The following DCC variants were observed in gnomAD, a reference collection of about 807,000 sequenced individuals.
DCC encodes the protein netrin receptor DCC.
Under a neutral mutation model 172.5 loss-of-function variants are expected in DCC, and 58 were observed. That is an observed-to-expected ratio of 0.34 (90% CI 0.27 to 0.42). The LOEUF (loss-of-function observed/expected upper bound fraction) is 0.42, where lower values mean the gene tolerates loss of function less well. DCC is among the 10% of genes least tolerant of loss of function. The probability of loss-of-function intolerance (pLI) is 1.00; values close to 1 mark genes in which losing one functional copy is unlikely to be tolerated. For missense variants in DCC, 1,740 were observed against 1,791.0 expected (o/e 0.97, Z 0.51); for synonymous variants, 709 against 644.5 (o/e 1.10, Z -1.52).
chr18:52,951,488 G>T (rs780155154), intron 5 of DCC, among the ~76,000 whole-genome samples: 21 of 152,032 alleles, frequency 1.4e-4, no homozygotes, highest in Non-Finnish European at 2.6e-4. Context: ...CTGTGTCCCT[G>T]TGTTCTCATT....
At chr18:52,808,336 C>T (rs1197954403) in intron 2 of DCC, among the ~76,000 whole-genome samples, 1 of 151,186 alleles carries the variant, frequency 6.6e-6, no homozygotes, top group Non-Finnish European at 1.5e-5. Flanking sequence ...CACTAGGAAG[C>T]ATTTCATAGG....
intron 15 of DCC, among the ~76,000 whole-genome samples, chr18:53,351,438 ACAGTG>A (rs201946699): frequency 6.9e-5 from 4 of 58,360 alleles, no homozygotes; most frequent in East Asian, 9.0e-4. Context: ...ATATATATAT[ACAGTG>A]TATATATATA....
intron 9 of DCC, among the ~76,000 whole-genome samples, chr18:53,179,714 A>G (rs543771351): frequency 1.5e-4 from 23 of 152,318 alleles, no homozygotes; most frequent in Middle Eastern, 3.4e-3. Context: ...GTATAATTCA[A>G]TGATTTCAAC....
At chr18:53,467,076 G>T (rs989751014) in intron 24 of DCC, among the ~76,000 whole-genome samples, 5 of 152,060 alleles carry the variant, frequency 3.3e-5, no homozygotes, top group African/African-American at 9.7e-5. Flanking sequence ...TTTGCCTCTT[G>T]CCTATCCCAA....
At chr18:53,424,644 G>A (rs201007640) in intron 21 of DCC, among the ~76,000 whole-genome samples, 3 of 152,044 alleles carry the variant, frequency 2.0e-5, no homozygotes, top group East Asian at 1.9e-4. Context: ...ATTACCGGGG[G>A]AAGAGTAGCT....
chr18:53,390,004 G>A (rs1232135627), intron 16 of DCC, among the ~76,000 whole-genome samples: 3 of 152,142 alleles, frequency 2.0e-5, no homozygotes, highest in Admixed American at 6.5e-5. Flanking sequence ...TTCTTGTAAA[G>A]CCAGCTAAAA....
intron 1 of DCC, among the ~76,000 whole-genome samples, chr18:52,458,893 C>T (rs78021313): frequency 0.018 from 2,718 of 152,184 alleles, 90 homozygotes; most frequent in African/African-American, 0.062. Context: ...ATTTAATTGT[C>T]TTTTATTATT....
At chr18:52,873,285 C>T (rs186534187) in intron 2 of DCC, among the ~76,000 whole-genome samples, 1 of 152,260 alleles carries the variant, frequency 6.6e-6, no homozygotes, top group East Asian at 1.9e-4. Context: ...GAGGTCGGGA[C>T]AGAAGCATCT....
chr18:52,599,461 T>A (rs1401750308), intron 1 of DCC, among the ~76,000 whole-genome samples: 1 of 152,152 alleles, frequency 6.6e-6, no homozygotes, highest in African/African-American at 2.4e-5. Flanking sequence ...TAATCCAAAT[T>A]TAAATTTCAC....
chr18:53,107,563 C>T (rs1021905725), intron 7 of DCC, among the ~76,000 whole-genome samples: 19 of 135,298 alleles, frequency 1.4e-4, no homozygotes, highest in Non-Finnish European at 2.6e-4. Context: ...AAGAGGAAGA[C>T]GTGGTTCCTA....
At chr18:53,505,759 A>G (rs2046165976) in intron 27 of DCC, among the ~76,000 whole-genome samples, 1 of 152,210 alleles carries the variant, frequency 6.6e-6, no homozygotes, top group South Asian at 2.1e-4. Flanking sequence ...CAAAGAATGT[A>G]CTTGGATTAT....
chr18:52,779,451 A>C (rs2037492672), intron 2 of DCC, among the ~76,000 whole-genome samples: 1 of 119,310 alleles, frequency 8.4e-6, no homozygotes, highest in Non-Finnish European at 1.8e-5. Context: ...GATAGTTTCC[A>C]ACTTCATCCA....
At chr18:53,157,870 C>T (rs1194826572) in intron 8 of DCC, among the ~76,000 whole-genome samples, 1 of 152,154 alleles carries the variant, frequency 6.6e-6, no homozygotes, top group African/African-American at 2.4e-5. Context: ...CTGTCATTGA[C>T]ATCACATGAG....
chr18:53,267,796 C>T (rs2056699888), intron 12 of DCC, among the ~76,000 whole-genome samples: 1 of 152,064 alleles, frequency 6.6e-6, no homozygotes, highest in Non-Finnish European at 1.5e-5. Context: ...GAGAAATGGT[C>T]AGTACTTTAT....
chr18:52,503,741 C>T (rs990915389), intron 1 of DCC, among the ~76,000 whole-genome samples: 2 of 152,034 alleles, frequency 1.3e-5, no homozygotes, highest in Admixed American at 6.6e-5. Flanking sequence ...CCATTATAAC[C>T]AAGAGAACCC....
chr18:53,504,926 GTTTGTTTT>G (rs1307648293), intron 27 of DCC, among the ~76,000 whole-genome samples: 1 of 152,016 alleles, frequency 6.6e-6, no homozygotes, highest in East Asian at 1.9e-4. Context: ...TTGTTTGTTT[GTTTGTTTT>G]TTTAACTAAC....
intron 5 of DCC, among the ~76,000 whole-genome samples, chr18:52,926,198 T>C (rs547445301): frequency 2.6e-5 from 4 of 152,046 alleles, no homozygotes; most frequent in South Asian, 2.1e-4. Flanking sequence ...TTAAAAGTTA[T>C]TAAGTAAAAA....
chr18:53,079,443 C>T lies in DCC; in HGVS notation c.1261+13277C>T, dbSNP rs147347941. Among the ~76,000 whole-genome samples, 1,296 of 152,168 alleles carry T rather than the reference C, an allele frequency of 8.5e-3. 22 individuals are homozygous for T. The highest frequency in any genetic ancestry group is 0.03 in the African/African-American group (1,245 of 41,540). On this transcript the variant is annotated intron_variant, in intron 7 of 28. Coordinates refer to ENST00000442544, the MANE Select transcript of DCC (RefSeq NM_005215.4). Reference sequence around the variant, plus strand: ...GATAAAAATGGTAAATATCTTTTTGCTTTTCTAGATCAAGAAAAATAACAA... The same window carrying T: ...GATAAAAATGGTAAATATCTTTTTGTTTTTCTAGATCAAGAAAAATAACAA...
At position 53,030,210 on chromosome 18, in the gene DCC, C is replaced by A. The variant is rs560017853; in HGVS notation, c.986-33095C>A. On this transcript the variant is annotated intron_variant, in intron 5 of 28. Coordinates refer to ENST00000442544, the MANE Select transcript of DCC (RefSeq NM_005215.4). ...CAATTATTATCCCCCCATTCCACCC[C>A]AGTAAAGTAGGACCACTAACTTCTG... Among the ~76,000 whole-genome samples, 45 of 152,308 alleles carry A rather than the reference C, an allele frequency of 3.0e-4. 1 individual carries two copies. The South Asian group carries it at 5.2e-3, about 18-fold the overall frequency.
Sources: allele counts gnomAD v4.1 joint callset (sites outside exome capture counted in the v4.1 genomes callset), GRCh38; gene constraint gnomAD v4.1.1; transcripts MANE v1.5; gene names NCBI Gene and HGNC (gene_info 2026-07-23, HGNC 2026-07-21).